The following PVT1 variants were observed in gnomAD, a reference collection of about 807,000 sequenced individuals.
PVT1 encodes the protein CXCR4/PVT1 fusion.
At chr8:128,099,995 G>A (rs1448551711) in intron 6 of PVT1, 1 of 152,116 alleles carries the variant, frequency 6.6e-6, no homozygotes, top group African/African-American at 2.4e-5. Flanking sequence ...TTCATTGATT[G>A]ATGGCTGTAT....
chr8:127,869,656 C>T (rs1375110323), intron 2 of PVT1, among the ~76,000 whole-genome samples: 1 of 152,108 alleles, frequency 6.6e-6, no homozygotes, highest in East Asian at 1.9e-4. Flanking sequence ...TACTTCATAA[C>T]CTGCAAGCTT....
chr8:127,984,994 T>TTTCTCTTTCCTTCC (rs1554602249), intron 3 of PVT1, among the ~76,000 whole-genome samples: 3 of 67,090 alleles, frequency 4.5e-5, no homozygotes, highest in African/African-American at 1.9e-4. Context: ...TTTCTTTCTC[T>TTTCTCTTTCCTTCC]TTCCTTCCTT....
rs1031552138 is a variant in PVT1 at position 127,947,420 on chromosome 8, C to T, written n.783-41742C>T. ...CCACGAACAAGCCGTTGAAAGTCCC[C>T]TCATCCTGGACCTGTGGTCTGTCCT... is the stretch of plus-strand genomic sequence containing the variant. On this transcript the variant is annotated intron_variant and non_coding_transcript_variant, in intron 3 of 10. Coordinates refer to ENST00000651587, the Ensembl canonical transcript of PVT1. 4.0e-5 allele frequency: 10 copies of T among 247,868 alleles called. No individual in the cohort carries two copies. In the South Asian group the frequency reaches 5.5e-4, roughly 14 times the overall value. 15.4% of individuals were successfully genotyped at this position (247,868 alleles called of 1,614,324 possible). A position where few individuals can be genotyped will look rare whatever the true frequency, so the allele number is the denominator to read the frequency against.
In PVT1 at chr8:128,043,803, C is replaced by CACACACAT. The variant is rs1554606714; in HGVS notation, n.913-26356_913-26355insCACACATA. On this transcript the variant is annotated intron_variant and non_coding_transcript_variant, in intron 4 of 10. Transcript: ENST00000651587. Reference sequence around the variant, plus strand: ...ACACACACACACACACACACACACACATACACAAGGAGGCCAAACATCTTG... The same window carrying CACACACAT: ...ACACACACACACACACACACACACACACACACATATACACAAGGAGGCCAAACATCTTG... Among the ~76,000 whole-genome samples, 1,075 of 142,466 alleles carry CACACACAT rather than the reference C, an allele frequency of 7.5e-3. 33 individuals carry two copies. The highest frequency in any genetic ancestry group is 0.027 in the African/African-American group (1,021 of 37,762). The allele number at this position is 142,466 out of a possible 152,430, so 93.5% of individuals were successfully genotyped here.
chr8:127,950,414 G>A (rs1312000328), intron 3 of PVT1, among the ~76,000 whole-genome samples: 1 of 152,220 alleles, frequency 6.6e-6, no homozygotes, highest in East Asian at 1.9e-4. Flanking sequence ...GTGGGGAGAT[G>A]CGGCCAGTTT....
chr8:127,887,719 G>T (rs954910920), intron 2 of PVT1, among the ~76,000 whole-genome samples: 3 of 151,906 alleles, frequency 2.0e-5, no homozygotes, highest in Non-Finnish European at 4.4e-5. Flanking sequence ...TAGAGACGGG[G>T]TTTCACCACG....
At chr8:127,957,900 C>T (rs980485183) in intron 3 of PVT1, among the ~76,000 whole-genome samples, 3 of 152,214 alleles carry the variant, frequency 2.0e-5, no homozygotes, top group Non-Finnish European at 2.9e-5. Flanking sequence ...AGGGCAAGGC[C>T]GAGAAACAGC....
chr8:127,954,775 T>A (rs561717868), intron 3 of PVT1, among the ~76,000 whole-genome samples: 1 of 152,312 alleles, frequency 6.6e-6, no homozygotes, highest in East Asian at 1.9e-4. Context: ...AAGCAATGAC[T>A]GAGCTGCTGC....
chr8:128,002,661 G>T (rs555719870), intron 4 of PVT1, among the ~76,000 whole-genome samples: 1 of 152,180 alleles, frequency 6.6e-6, no homozygotes, highest in East Asian at 1.9e-4. Flanking sequence ...GTCCTCTCCT[G>T]TGTGTTTGTG....
intron 4 of PVT1, among the ~76,000 whole-genome samples, chr8:128,067,829 G>A (rs1051443680): frequency 6.6e-6 from 1 of 152,066 alleles, no homozygotes; most frequent in Non-Finnish European, 1.5e-5. Context: ...CCTGAGGGAT[G>A]CCCCAGAGGG....
intron 3 of PVT1, among the ~76,000 whole-genome samples, chr8:127,924,760 C>G (rs1816109274): frequency 1.3e-5 from 2 of 152,124 alleles, no homozygotes; most frequent in South Asian, 4.1e-4. Context: ...ATCCGCCCAC[C>G]TCGGCCTCCC....
intron 2 of PVT1, among the ~76,000 whole-genome samples, chr8:127,849,499 G>A (rs186498615): frequency 6.6e-6 from 1 of 152,296 alleles, no homozygotes; most frequent in East Asian, 1.9e-4. Flanking sequence ...CTAGGGCCTT[G>A]CCGTTCCTAT....
intron 2 of PVT1, among the ~76,000 whole-genome samples, chr8:127,822,846 G>A (rs1043033476): frequency 6.6e-6 from 1 of 152,170 alleles, no homozygotes; most frequent in African/African-American, 2.4e-5. Context: ...TGGCAAGTGG[G>A]AAATGAACCC....
intron 2 of PVT1, among the ~76,000 whole-genome samples, chr8:127,870,026 A>G (rs1815334708): frequency 6.6e-6 from 1 of 151,896 alleles, no homozygotes; most frequent in Admixed American, 6.6e-5. Context: ...CTGGTCTCGA[A>G]CTCCTGACCT....
chr8:127,926,917 C>A (rs987515777), intron 3 of PVT1, among the ~76,000 whole-genome samples: 1 of 152,160 alleles, frequency 6.6e-6, no homozygotes, highest in South Asian at 2.1e-4. Context: ...TAATCGGACA[C>A]GAGGAAAGGT....
chr8:127,899,425 G>A (rs964843680), intron 3 of PVT1, among the ~76,000 whole-genome samples: 6 of 152,188 alleles, frequency 3.9e-5, no homozygotes, highest in African/African-American at 7.2e-5. Context: ...CCTAGTTTCC[G>A]GCTGTTGAGT....
Position 127,959,017 on chromosome 8 carries a change from C to G in PVT1, n.783-30145C>G, listed in dbSNP as rs1333917661. On this transcript the variant is annotated intron_variant and non_coding_transcript_variant, in intron 3 of 10. Transcript: ENST00000651587. ...TGGCCTGGGTCCTCATGGTTTGCTG[C>G]TGTTCTGTGCTGCCCCTTAGCGGGG... Among the ~76,000 whole-genome samples the G allele has an allele frequency of 9.3e-5, 12 of 129,602 alleles. No individual in the cohort carries two copies. The Admixed American group carries it at 1.0e-3, about 11-fold the overall frequency. 85.0% of individuals were successfully genotyped at this position (129,602 alleles called of 152,430 possible). A position where few individuals can be genotyped will look rare whatever the true frequency, so the allele number is the denominator to read the frequency against.
chr8:127,885,951 G>T (rs1021611799), intron 2 of PVT1, among the ~76,000 whole-genome samples: 2 of 152,194 alleles, frequency 1.3e-5, no homozygotes, highest in Non-Finnish European at 2.9e-5. Context: ...GGACAAGAAG[G>T]CCAGATGCAG....
chr8:127,860,624 G>C (rs1021793633), intron 2 of PVT1, among the ~76,000 whole-genome samples: 7 of 152,034 alleles, frequency 4.6e-5, no homozygotes, highest in Non-Finnish European at 7.4e-5. Context: ...AATTAGCTGG[G>C]CGTGGTGGCA....
Sources: gnomAD v4.1 joint callset for allele counts (sites outside exome capture counted in the v4.1 genomes callset) on GRCh38, gnomAD v4.1.1 for gene constraint, MANE v1.5 for transcripts, NCBI Gene and HGNC (gene_info 2026-07-23, HGNC 2026-07-21) for gene names.